The following CTNND2 variants were observed in gnomAD, a reference collection of about 807,000 sequenced individuals.
The protein encoded by CTNND2 is catenin delta 2, also known as catenin delta-2.
CTNND2 carries 22 observed loss-of-function variants against 144.4 expected under a neutral mutation model. The observed-to-expected ratio is 0.15, with a 90% CI of 0.11 to 0.22. The LOEUF (loss-of-function observed/expected upper bound fraction) is 0.22. CTNND2 is among the 10% of genes least tolerant of loss of function. The pLI, the probability that CTNND2 is intolerant of heterozygous loss-of-function variation, is 1.00. For missense variants in CTNND2, 1,353 were observed against 1,618.8 expected, an observed-to-expected ratio of 0.84 and a Z score of 2.82; for synonymous variants, 751 against 695.6, an observed-to-expected ratio of 1.08 and a Z score of -1.25.
intron 16 of CTNND2, among the ~76,000 whole-genome samples, chr5:11,030,754 G>GTTTTTTTTTTTTT (rs61312361): frequency 3.0e-5 from 3 of 100,764 alleles, no homozygotes; most frequent in African/African-American, 4.3e-5. Context: ...TATGGTTTCT[G>GTTTTTTTTTTTTT]TTTTTTTTTT....
intron 1 of CTNND2, among the ~76,000 whole-genome samples, chr5:11,771,835 T>C (rs1333041313): frequency 6.8e-6 from 1 of 147,762 alleles, no homozygotes; most frequent in Non-Finnish European, 1.5e-5. Context: ...ATTATTTGGG[T>C]TAGGATCATT....
chr5:11,324,950 C>T lies in CTNND2; in HGVS notation c.1628+21422G>A, dbSNP rs200340214. ...CCAGCTTTCAACTTAATGCATTATC[C>T]TTTTTTTTTTTTTGTCTAAAGAGTG... On this transcript the variant is annotated intron_variant, in intron 9 of 21. Transcript: ENST00000304623. Among the ~76,000 whole-genome samples, 12 of 146,680 alleles carry T rather than the reference C, an allele frequency of 8.2e-5. No homozygotes were observed. The East Asian group carries it at 2.0e-3, about 24-fold the overall frequency.
At chr5:11,267,847 C>T (rs556066353) in intron 9 of CTNND2, among the ~76,000 whole-genome samples, 2 of 152,256 alleles carry the variant, frequency 1.3e-5, no homozygotes, top group South Asian at 2.1e-4. Flanking sequence ...AGGCATTTTG[C>T]CTCCTCTGAA....
At chr5:11,515,838 TA>T (rs1392283854) in intron 3 of CTNND2, among the ~76,000 whole-genome samples, 1 of 152,168 alleles carries the variant, frequency 6.6e-6, no homozygotes, top group African/African-American at 2.4e-5. Flanking sequence ...TCAATTCAGT[TA>T]AAAAATATTT....
intron 16 of CTNND2, among the ~76,000 whole-genome samples, chr5:11,038,595 C>CAT (rs1744339106): frequency 1.3e-5 from 2 of 152,218 alleles, no homozygotes; most frequent in African/African-American, 4.8e-5. Flanking sequence ...ACTTGGAGCT[C>CAT]AGAGAGATGG....
intron 9 of CTNND2, among the ~76,000 whole-genome samples, chr5:11,319,931 C>T (rs574243853): frequency 1.3e-5 from 2 of 152,194 alleles, no homozygotes; most frequent in Non-Finnish European, 2.9e-5. Context: ...AAATGCATAA[C>T]GTGTTTCCTG....
intron 9 of CTNND2, among the ~76,000 whole-genome samples, chr5:11,311,110 TG>T (rs1750780683): frequency 6.9e-6 from 1 of 144,276 alleles, no homozygotes; most frequent in African/African-American, 2.6e-5. Context: ...ACTCTCTCCA[TG>T]CACCCTCACC....
intron 2 of CTNND2, among the ~76,000 whole-genome samples, chr5:11,620,897 T>G (rs1335023518): frequency 6.6e-6 from 1 of 152,152 alleles, no homozygotes; most frequent in Admixed American, 6.5e-5. Context: ...GTCTATTTAG[T>G]GCTCAGGGCA....
chr5:11,523,681 C>T (rs1475421876), intron 3 of CTNND2, among the ~76,000 whole-genome samples: 1 of 152,188 alleles, frequency 6.6e-6, no homozygotes, highest in Non-Finnish European at 1.5e-5. Context: ...TCACTGAGGT[C>T]TGAAAAGAAC....
At chr5:11,164,746 A>ACT (rs2149776795) in intron 11 of CTNND2, among the ~76,000 whole-genome samples, 2 of 152,322 alleles carry the variant, frequency 1.3e-5, no homozygotes, top group East Asian at 3.9e-4. Context: ...AAACTCAGAG[A>ACT]GGCTTTCCTG....
chr5:11,585,502 A>ATCTG (rs1778789441), intron 2 of CTNND2, among the ~76,000 whole-genome samples: 1 of 151,664 alleles, frequency 6.6e-6, no homozygotes, highest in South Asian at 2.1e-4. Flanking sequence ...CTATCTATCT[A>ATCTG]TCTATCTATC....
At chr5:11,634,347 C>T (rs1781572484) in intron 2 of CTNND2, among the ~76,000 whole-genome samples, 1 of 152,134 alleles carries the variant, frequency 6.6e-6, no homozygotes, top group Admixed American at 6.6e-5. Flanking sequence ...AACTGATTCT[C>T]TTGGGGATTC....
At chr5:11,544,382 T>A (rs1261394303) in intron 3 of CTNND2, among the ~76,000 whole-genome samples, 1 of 152,106 alleles carries the variant, frequency 6.6e-6, no homozygotes, top group East Asian at 1.9e-4. Flanking sequence ...TAAAACCACT[T>A]TGGGAAGTAA....
intron 18 of CTNND2, among the ~76,000 whole-genome samples, chr5:10,995,263 CAA>C (rs1396122257): frequency 6.6e-6 from 1 of 152,078 alleles, no homozygotes; most frequent in African/African-American, 2.4e-5. Flanking sequence ...GAGAGGGGTG[CAA>C]AGAGTAGGGG....
intron 1 of CTNND2, among the ~76,000 whole-genome samples, chr5:11,846,817 G>A (rs1433718463): frequency 4.6e-5 from 7 of 151,820 alleles, no homozygotes; most frequent in Non-Finnish European, 1.0e-4. Flanking sequence ...AAGAAGATAT[G>A]AAAATGGTTA....
At chr5:11,320,389 G>A (rs1751915567) in intron 9 of CTNND2, among the ~76,000 whole-genome samples, 2 of 152,092 alleles carry the variant, frequency 1.3e-5, no homozygotes, top group Admixed American at 1.3e-4. Context: ...CAGCTACTAT[G>A]TCATGGTTTA....
At chr5:11,557,628 G>C (rs1013921757) in intron 3 of CTNND2, among the ~76,000 whole-genome samples, 2 of 152,124 alleles carry the variant, frequency 1.3e-5, no homozygotes, top group Non-Finnish European at 2.9e-5. Flanking sequence ...TAAAGGACTT[G>C]TGTGATTAGG....
At chr5:11,172,597 C>G (rs1430113030) in intron 11 of CTNND2, among the ~76,000 whole-genome samples, 3 of 152,144 alleles carry the variant, frequency 2.0e-5, no homozygotes, top group Non-Finnish European at 4.4e-5. Flanking sequence ...GAAGTGGTCT[C>G]AAGCCTCAAG....
At chr5:11,843,238 G>C (rs1449133109) in intron 1 of CTNND2, among the ~76,000 whole-genome samples, 1 of 152,210 alleles carries the variant, frequency 6.6e-6, no homozygotes, top group Non-Finnish European at 1.5e-5. Context: ...TGTCTCATTA[G>C]TAGTTCCCAA....
Sources: gnomAD v4.1 joint callset for allele counts (sites outside exome capture counted in the v4.1 genomes callset) on GRCh38, gnomAD v4.1.1 for gene constraint, MANE v1.5 for transcripts, NCBI Gene and HGNC (gene_info 2026-07-23, HGNC 2026-07-21) for gene names.